TCF4: variants seen among roughly 807,000 people sequenced by gnomAD.
TCF4 encodes the protein SL3-3 enhancer factor 2.
TCF4 carries 3 observed loss-of-function variants against 82.1 expected under a neutral mutation model. The observed-to-expected ratio is 0.04, with a 90% CI of 0.02 to 0.09. The LOEUF is 0.09. Among genes scored for constraint, TCF4 ranks in the 10% least tolerant of loss-of-function variants. The pLI, the probability that TCF4 is intolerant of heterozygous loss-of-function variation, is 1.00. For missense variants in TCF4, 518 were observed against 852.7 expected (o/e 0.61, Z 4.89); for synonymous variants, 276 against 309.6 (o/e 0.89, Z 1.14).
intron 8 of TCF4, among the ~76,000 whole-genome samples, chr18:55,325,846 T>A (rs1440689205): frequency 6.6e-6 from 1 of 152,210 alleles, no homozygotes; most frequent in East Asian, 1.9e-4. Flanking sequence ...AATGATTACA[T>A]AACATAGTGT....
chr18:55,608,369 A>ATTTTTTTTTTTTTTTTTTTTTTTTTTT (rs746413576), intron 2 of TCF4, among the ~76,000 whole-genome samples: 3 of 117,272 alleles, frequency 2.6e-5, no homozygotes, highest in African/African-American at 3.3e-5. Context: ...TTGCCACAGT[A>ATTTTTTTTTTTTTTTTTTTTTTTTTTT]TTTTTTTTTT....
intron 6 of TCF4, among the ~76,000 whole-genome samples, chr18:55,364,615 T>C (rs1357858825): frequency 2.0e-5 from 3 of 152,198 alleles, no homozygotes; most frequent in African/African-American, 7.2e-5. Flanking sequence ...CAGAAATCTC[T>C]CTTGAACTTT....
At chr18:55,587,024 G>A in intron 2 of TCF4, 21 bp downstream of exon 2, 1 of 1,609,060 alleles carries the variant, frequency 6.2e-7, no homozygotes, top group Non-Finnish European at 8.5e-7. Flanking sequence ...GCTGTTGTTA[G>A]TTTCCACCGT....
At chr18:55,272,744 A>AC (rs2060647463) in intron 10 of TCF4, among the ~76,000 whole-genome samples, 2 of 151,892 alleles carry the variant, frequency 1.3e-5, no homozygotes, top group South Asian at 4.1e-4. Context: ...GTTTACCAGC[A>AC]CCCCTAGCCT....
intron 3 of TCF4, chr18:55,496,240 T>A (rs1485263294): frequency 2.0e-5 from 3 of 152,190 alleles, no homozygotes; most frequent in Non-Finnish European, 4.4e-5. Flanking sequence ...AAGTGCTTTA[T>A]AATTGTTACA....
Position 55,527,415 on chromosome 18 carries a change from T to G in TCF4, c.145+57865A>C, listed in dbSNP as rs192527523. Reference sequence around the variant, plus strand: ...GAAAAATAGTAAGGAATTGTTTATATGCATACAAGCACGTTTCTCAATGAA... The same window carrying G: ...GAAAAATAGTAAGGAATTGTTTATAGGCATACAAGCACGTTTCTCAATGAA... On this transcript the variant is annotated intron_variant, in intron 3 of 19. Transcript: ENST00000354452. 1.5e-3 allele frequency among the ~76,000 whole-genome samples: 231 copies of G among 152,286 alleles called. 2 individuals are homozygous for G. Among genetic ancestry groups the G allele is most frequent in the Non-Finnish European group, 1.5e-3 (101 of 68,024 alleles).
At chr18:55,246,769 G>A (rs903699174) in intron 15 of TCF4, among the ~76,000 whole-genome samples, 15 of 151,458 alleles carry the variant, frequency 9.9e-5, no homozygotes, top group Admixed American at 3.3e-4. Context: ...CAAAACTTTC[G>A]GTTGAGGTTG....
chr18:55,376,742 G>A (rs531181813), intron 6 of TCF4, among the ~76,000 whole-genome samples: 1 of 152,248 alleles, frequency 6.6e-6, no homozygotes, highest in Admixed American at 6.5e-5. Context: ...TAACCTGTGT[G>A]GACACCTATT....
At chr18:55,313,196 A>T (rs2073093832) in intron 8 of TCF4, among the ~76,000 whole-genome samples, 1 of 152,186 alleles carries the variant, frequency 6.6e-6, no homozygotes. Context: ...AACATGTTTA[A>T]TTATGGAAGT....
At chr18:55,588,661 C>T (rs2097675491), upstream of TCF4, 3 of 1,325,568 alleles carry the variant, frequency 2.3e-6, no homozygotes, top group Non-Finnish European at 2.9e-6. Context: ...GCTGCAAATA[C>T]ACGTGATGCA....
At chr18:55,229,379 A>G (rs2047224713) in intron 17 of TCF4, 1 of 437,622 alleles carries the variant, frequency 2.3e-6, no homozygotes, top group South Asian at 2.1e-5. Flanking sequence ...GGGAAAACAA[A>G]GCTTTTTTTA....
chr18:55,396,970 G>A (rs939900359), intron 6 of TCF4, among the ~76,000 whole-genome samples: 1 of 152,164 alleles, frequency 6.6e-6, no homozygotes, highest in African/African-American at 2.4e-5. Context: ...AGAATCACCA[G>A]TTTGAAGTCT....
chr18:55,425,607 G>A (rs140864858), intron 5 of TCF4, among the ~76,000 whole-genome samples: 65 of 151,684 alleles, frequency 4.3e-4, no homozygotes, highest in Admixed American at 9.2e-4. Flanking sequence ...TTTTCCTCAA[G>A]GAACAGACTC....
rs1414280188 is a variant in TCF4, at chr18:55,494,064, A to C, written c.146-29927T>G. Among the ~76,000 whole-genome samples the C allele has an allele frequency of 2.0e-5, 3 of 152,044 alleles. No homozygotes were observed. The South Asian group carries it at 6.2e-4, about 32-fold the overall frequency. ...ACTTTGCATATACTCCCCTACTTAA[A>C]TATTATATTCTTAAATAACTACTCC... is the stretch of plus-strand genomic sequence containing the variant. On this transcript the variant is annotated intron_variant, in intron 3 of 19. Transcript: ENST00000354452.
chr18:55,323,804 C>A (rs1168849117), intron 8 of TCF4, among the ~76,000 whole-genome samples: 2 of 152,132 alleles, frequency 1.3e-5, no homozygotes, highest in Non-Finnish European at 2.9e-5. Flanking sequence ...GTTGTTGTTT[C>A]TTTGTTGTTT....
intron 5 of TCF4, among the ~76,000 whole-genome samples, chr18:55,412,202 C>G (rs2094374052): frequency 6.6e-6 from 1 of 152,142 alleles, no homozygotes; most frequent in African/African-American, 2.4e-5. Flanking sequence ...ACTACTAGCA[C>G]TCACCTATTT....
At chr18:55,635,164 G>A (rs918798954) in intron 1 of TCF4, among the ~76,000 whole-genome samples, 2 of 152,192 alleles carry the variant, frequency 1.3e-5, no homozygotes, top group South Asian at 2.1e-4. Flanking sequence ...CAGAGGAGCA[G>A]TGCAAAAGAT....
rs1451882566 is a variant in TCF4, at chr18:55,269,904, G to T, written c.849C>A (p.Phe283Leu). 2 of 1,613,378 alleles carry T rather than the reference G, an allele frequency of 1.2e-6. No homozygotes were observed. Among genetic ancestry groups the T allele is most frequent in the South Asian group, 2.2e-5 (2 of 91,070 alleles). The change falls in exon 11 of 20, where the codon TTC (phenylalanine) becomes TTA (leucine). Residue 283 changes from phenylalanine to leucine, a missense_variant. Transcript: ENST00000354452. ...INSSLPPMST[F>L]HRSGTNHYST... The stretch of plus-strand genomic sequence containing the variant: ...TGTAATGGTTTGTACCACTACGATG[G>T]AAAGTGGACATCGGAGGAAGACTGG...
chr18:55,549,523 C>G (rs1473754282), intron 3 of TCF4, among the ~76,000 whole-genome samples: 1 of 152,096 alleles, frequency 6.6e-6, no homozygotes, highest in East Asian at 1.9e-4. Flanking sequence ...CTTCTTGTCA[C>G]AAACAAAGAT....
Sources: gnomAD v4.1 joint callset for allele counts (sites outside exome capture counted in the v4.1 genomes callset) on GRCh38, gnomAD v4.1.1 for gene constraint, MANE v1.5 for transcripts, NCBI Gene and HGNC (gene_info 2026-07-23, HGNC 2026-07-21) for gene names.